The following LAMC1 variants were observed in gnomAD, a reference collection of about 807,000 sequenced individuals.
LAMC1 encodes the protein laminin subunit gamma 1.
In LAMC1, 38 loss-of-function variants were observed where a neutral mutation model predicts 173.6. That is an observed-to-expected ratio of 0.22 (90% CI 0.17 to 0.29). The LOEUF (loss-of-function observed/expected upper bound fraction) is 0.29, where lower values mean the gene tolerates loss of function less well. Among genes scored for constraint, LAMC1 ranks in the 10% least tolerant of loss-of-function variants. The pLI, the probability that LAMC1 is intolerant of heterozygous loss-of-function variation, is 1.00. For missense variants in LAMC1, 1,824 were observed against 2,051.8 expected, an observed-to-expected ratio of 0.89 and a Z score of 2.14; for synonymous variants, 746 against 749.1, an observed-to-expected ratio of 1.00 and a Z score of 0.07.
chr1:183,103,259 G>C lies in LAMC1; in HGVS notation c.419-69G>C. The stretch of plus-strand genomic sequence containing the variant: ...TATCCTTTGTCAAGTTCCAAACTAA[G>C]CTGGGAATAGAGGGCATTTGTTTGC... On this transcript the variant is annotated intron_variant, in intron 1 of 27. Transcript: ENST00000258341. 5 of 1,412,048 alleles carry C rather than the reference G, an allele frequency of 3.5e-6. No homozygotes were observed. In the South Asian group the frequency reaches 4.0e-5, roughly 11 times the overall value. 87.5% of individuals were successfully genotyped at this position (1,412,048 alleles called of 1,614,324 possible).
rs769399453 is a variant in LAMC1 at position 183,130,446 on chromosome 1, G to A, written c.3383G>A (p.Gly1128Glu). 3 of 1,614,040 alleles carry A rather than the reference G, an allele frequency of 1.9e-6. No homozygotes were observed. The African/African-American group carries it at 4.0e-5, about 22-fold the overall frequency. Residue 1128 changes from glycine (G) to glutamate (E), a missense_variant, in exon 19 of 28, where the codon GGA becomes GAA. Physicochemically the swap from Gly to Glu is moderately conservative, Grantham distance 98 (BLOSUM62 -2). Transcript: ENST00000258341. ...ATCCGGAATACCATTGAAGAGACTG[G>A]AAACTTGGCTGAACAAGCGCGTGCC... Reference protein sequence around the residue: ...QNIRNTIEETGNLAEQARAHV... With the variant: ...QNIRNTIEETENLAEQARAHV...
At chr1:183,139,286 T>G (rs914006242) in intron 26 of LAMC1, among the ~76,000 whole-genome samples, 1 of 152,232 alleles carries the variant, frequency 6.6e-6, no homozygotes, top group African/African-American at 2.4e-5. Context: ...CTATCTCATT[T>G]GTATTTCTGT....
chr1:183,131,190 AGGTAGAGGCATTCTTTTTGCCCTCTAAC>A, intron 19 of LAMC1, 81 bp from the exon 20 acceptor site: 3 of 686,434 alleles, frequency 4.4e-6, no homozygotes, highest in Non-Finnish European at 7.6e-6. Flanking sequence ...AAAAAAAAAA[AGGTAGAGGCATTCTTTTTGCCCTCTAAC>A]AAAAATTTAG....
intron 1 of LAMC1, among the ~76,000 whole-genome samples, chr1:183,080,951 C>T (rs781609537): frequency 2.4e-4 from 36 of 152,186 alleles, no homozygotes; most frequent in East Asian, 1.9e-4. Flanking sequence ...TGCGCTGGCG[C>T]GATCTTGGCT....
intron 11 of LAMC1, among the ~76,000 whole-genome samples, chr1:183,119,479 A>C (rs1656411355): frequency 6.6e-6 from 1 of 152,210 alleles, no homozygotes; most frequent in South Asian, 2.1e-4. Context: ...AATATGACAG[A>C]AAATATAGAT....
intron 1 of LAMC1, among the ~76,000 whole-genome samples, chr1:183,068,206 C>T (rs563590041): frequency 1.3e-5 from 2 of 152,030 alleles, no homozygotes; most frequent in African/African-American, 4.8e-5. Flanking sequence ...GATGATGTAA[C>T]ATGTTAATGG....
intron 25 of LAMC1, 31 bp from the exon 26 acceptor site, chr1:183,137,638 T>G: frequency 6.7e-7 from 1 of 1,490,028 alleles, no homozygotes; most frequent in Non-Finnish European, 8.9e-7. Flanking sequence ...AAAGCTTTTT[T>G]AAAAAAAGTA....
chr1:183,135,890 CAAAAAAAAAA>C (rs34380430), intron 24 of LAMC1, among the ~76,000 whole-genome samples: 1 of 104,090 alleles, frequency 9.6e-6, no homozygotes, highest in African/African-American at 3.8e-5. Flanking sequence ...CCTTGTCTCT[CAAAAAAAAAA>C]AAAAAAAAAG....
At chr1:183,085,852 TTTGCTC>T (rs745559806) in intron 1 of LAMC1, among the ~76,000 whole-genome samples, 1 of 152,192 alleles carries the variant, frequency 6.6e-6, no homozygotes, top group Non-Finnish European at 1.5e-5. Flanking sequence ...ATACCATTCT[TTTGCTC>T]TTGTTTTCTA....
intron 1 of LAMC1, among the ~76,000 whole-genome samples, chr1:183,089,407 AT>A (rs1290625657): frequency 6.6e-6 from 1 of 152,208 alleles, no homozygotes; most frequent in African/African-American, 2.4e-5. Flanking sequence ...GAAATATGCT[AT>A]GTAAATAATT....
chr1:183,035,078 A>G (rs1223867349), intron 1 of LAMC1, among the ~76,000 whole-genome samples: 5 of 152,230 alleles, frequency 3.3e-5, no homozygotes, highest in Non-Finnish European at 7.3e-5. Flanking sequence ...TGAGAGTGCT[A>G]AGGAACTAAG....
At chr1:183,094,690 T>C (rs1655649284) in intron 1 of LAMC1, among the ~76,000 whole-genome samples, 1 of 152,224 alleles carries the variant, frequency 6.6e-6, no homozygotes, top group Non-Finnish European at 1.5e-5. Context: ...GCCATTTTAG[T>C]ATGTAAGATA....
chr1:183,118,888 G>A (rs1170870623), intron 11 of LAMC1, among the ~76,000 whole-genome samples: 2 of 151,978 alleles, frequency 1.3e-5, no homozygotes, highest in African/African-American at 2.4e-5. Flanking sequence ...TGGTGAACAA[G>A]AGTTTAAGAC....
At chr1:183,061,529 T>G (rs1291764163) in intron 1 of LAMC1, among the ~76,000 whole-genome samples, 2 of 152,206 alleles carry the variant, frequency 1.3e-5, no homozygotes, top group Non-Finnish European at 2.9e-5. Flanking sequence ...TGATAGTGCT[T>G]TTTGGAAAAC....
Position 183,132,378 on chromosome 1 carries a change from A to G in LAMC1, c.3567-22A>G, listed in dbSNP as rs749019152. On this transcript the variant is annotated intron_variant, in intron 20 of 27. Coordinates refer to ENST00000258341, the MANE Select transcript of LAMC1 (RefSeq NM_002293.4). ...CTATCAGATGGTTGTTTCATGGCTT[A>G]TTTTTTGTTTTATCTGTATAGTCAT... 1.1e-5 allele frequency: 17 copies of G among 1,588,892 alleles called. No individual in the cohort carries two copies. In the Admixed American group the frequency reaches 1.5e-4, roughly 14 times the overall value.
intron 1 of LAMC1, among the ~76,000 whole-genome samples, chr1:183,045,220 A>G (rs1185789805): frequency 6.6e-6 from 1 of 151,884 alleles, no homozygotes; most frequent in East Asian, 1.9e-4. Context: ...GGTAAAATAG[A>G]TAATTGTTTA....
At chr1:183,099,478 C>T (rs1242988554) in intron 1 of LAMC1, among the ~76,000 whole-genome samples, 1 of 152,156 alleles carries the variant, frequency 6.6e-6, no homozygotes, top group Non-Finnish European at 1.5e-5. Context: ...ATGGATACTT[C>T]TTAGTCATTA....
chr1:183,031,889 T>C (rs1257647116), intron 1 of LAMC1, among the ~76,000 whole-genome samples: 2 of 150,018 alleles, frequency 1.3e-5, no homozygotes, highest in East Asian at 1.9e-4. Flanking sequence ...TGGAGAAGAA[T>C]AGAGTAGAAT....
intron 1 of LAMC1, among the ~76,000 whole-genome samples, chr1:183,085,569 A>G (rs1026652366): frequency 6.6e-6 from 1 of 151,396 alleles, no homozygotes; most frequent in Admixed American, 6.6e-5. Context: ...GGGTTTTACC[A>G]TTGTTGCCCA....
Sources: gnomAD v4.1 joint callset for allele counts (sites outside exome capture counted in the v4.1 genomes callset) on GRCh38, gnomAD v4.1.1 for gene constraint, MANE v1.5 for transcripts, NCBI Gene and HGNC (gene_info 2026-07-23, HGNC 2026-07-21) for gene names.